TAS2R1: variants seen among roughly 807,000 people sequenced by gnomAD.
The protein encoded by TAS2R1 is taste receptor type 2 member 1.
For synonymous variants in TAS2R1, 141 were observed against 134.2 expected, an observed-to-expected ratio of 1.05 and a Z score of -0.35; for missense variants, 370 against 353.4, an observed-to-expected ratio of 1.05 and a Z score of -0.38.
At chr5:9,697,050 G>C (rs1481786351) in intron 1 of TAS2R1, among the ~76,000 whole-genome samples, 2 of 151,726 alleles carry the variant, frequency 1.3e-5, no homozygotes, top group Admixed American at 6.6e-5. Context: ...ATTCACAAAA[G>C]GCACTGCACA....
chr5:9,634,142 T>G (rs1273813570), upstream of TAS2R1, among the ~76,000 whole-genome samples: 1 of 152,130 alleles, frequency 6.6e-6, no homozygotes, highest in Admixed American at 6.5e-5. Context: ...AGGATCCAGT[T>G]TCATTCTTCT....
the TAS2R1 span, among the ~76,000 whole-genome samples, chr5:9,725,977 C>T: frequency 9.4e-3 from 1,419 of 150,900 alleles, 19 homozygotes; most frequent in African/African-American, 0.032. Context: ...CCAATCGGCA[C>T]TCTGTATCTA....
At chr5:9,814,439 G>C in the TAS2R1 span, among the ~76,000 whole-genome samples, 10 of 152,058 alleles carry the variant, frequency 6.6e-5, no homozygotes, top group African/African-American at 2.4e-4. Context: ...TTACTGTAGT[G>C]TTTTTATTCT....
chr5:9,871,477 G>A, the TAS2R1 span, among the ~76,000 whole-genome samples: 1 of 152,120 alleles, frequency 6.6e-6, no homozygotes, highest in Non-Finnish European at 1.5e-5. Context: ...CACTCTGTCT[G>A]ATCCAATTGT....
chr5:9,828,372 C>T, the TAS2R1 span, among the ~76,000 whole-genome samples: 3 of 152,098 alleles, frequency 2.0e-5, no homozygotes, highest in Non-Finnish European at 2.9e-5. Context: ...GTGATCTGCC[C>T]GCCTCAGGCT....
At chr5:9,814,094 A>C in the TAS2R1 span, among the ~76,000 whole-genome samples, 1 of 152,172 alleles carries the variant, frequency 6.6e-6, no homozygotes, top group Non-Finnish European at 1.5e-5. Flanking sequence ...CATTACAGGT[A>C]AAGTACTTTC....
At chr5:9,636,213 C>T (rs919752654) in intron 2 of TAS2R1, among the ~76,000 whole-genome samples, 2 of 151,970 alleles carry the variant, frequency 1.3e-5, no homozygotes, top group African/African-American at 4.8e-5. Context: ...TATTCAAGAG[C>T]AGATTATTTA....
intron 1 of TAS2R1, among the ~76,000 whole-genome samples, chr5:9,672,574 A>G (rs539320218): frequency 6.6e-6 from 1 of 152,338 alleles, no homozygotes; most frequent in African/African-American, 2.4e-5. Flanking sequence ...AATCAATACC[A>G]CAATGAGATA....
chr5:9,679,733 G>A (rs956815629), intron 1 of TAS2R1, among the ~76,000 whole-genome samples: 1 of 152,178 alleles, frequency 6.6e-6, no homozygotes, highest in African/African-American at 2.4e-5. Flanking sequence ...TAGAGTTAGA[G>A]ACATCAGTGT....
intron 2 of TAS2R1, among the ~76,000 whole-genome samples, chr5:9,637,830 T>C (rs1467616735): frequency 6.6e-6 from 1 of 152,224 alleles, no homozygotes; most frequent in East Asian, 1.9e-4. Context: ...ATCCATATCC[T>C]ACATTTTTAA....
At chr5:9,686,043 T>C (rs1409746198) in intron 1 of TAS2R1, among the ~76,000 whole-genome samples, 3 of 152,098 alleles carry the variant, frequency 2.0e-5, no homozygotes, top group African/African-American at 7.2e-5. Flanking sequence ...TTTTATATTT[T>C]TAGTAGAGAC....
At chr5:9,837,240 T>C in the TAS2R1 span, among the ~76,000 whole-genome samples, 1 of 152,070 alleles carries the variant, frequency 6.6e-6, no homozygotes, top group Non-Finnish European at 1.5e-5. Context: ...TCCCGAGGCA[T>C]GGAGAAGTGA....
chr5:9,633,474 T>A (rs112065280), upstream of TAS2R1, among the ~76,000 whole-genome samples: 1 of 151,324 alleles, frequency 6.6e-6, no homozygotes, highest in Non-Finnish European at 1.5e-5. Context: ...GGGAGTGGGA[T>A]TGCTGGATCA....
the TAS2R1 span, among the ~76,000 whole-genome samples, chr5:9,879,467 G>A: frequency 3.2e-4 from 48 of 152,192 alleles, no homozygotes; most frequent in Middle Eastern, 3.4e-3. Context: ...AGTTCTTCTC[G>A]TGGATCCCAG....
At chr5:9,751,557 CTTCT>C in the TAS2R1 span, among the ~76,000 whole-genome samples, 4 of 151,962 alleles carry the variant, frequency 2.6e-5, no homozygotes, top group African/African-American at 4.8e-5. Flanking sequence ...TAAATGATTC[CTTCT>C]GTTTTCTTTT....
chr5:9,672,312 G>A (rs112426573), intron 1 of TAS2R1, among the ~76,000 whole-genome samples: 10 of 151,944 alleles, frequency 6.6e-5, no homozygotes, highest in East Asian at 1.9e-4. Flanking sequence ...AAGAGCTTCC[G>A]CATACAAAAC....
At chr5:9,671,953 T>C (rs974169514) in intron 1 of TAS2R1, among the ~76,000 whole-genome samples, 9 of 151,822 alleles carry the variant, frequency 5.9e-5, no homozygotes, top group African/African-American at 1.7e-4. Flanking sequence ...AACAGGCACA[T>C]AGATCAATGG....
At chr5:9,715,360 A>T (rs901246095), upstream of TAS2R1, among the ~76,000 whole-genome samples, 6 of 152,194 alleles carry the variant, frequency 3.9e-5, no homozygotes, top group African/African-American at 1.4e-4. Context: ...ACAGTTTGAA[A>T]GCACCCACCC....
At chr5:9,858,308 T>C in the TAS2R1 span, among the ~76,000 whole-genome samples, 1 of 152,058 alleles carries the variant, frequency 6.6e-6, no homozygotes, top group Non-Finnish European at 1.5e-5. Flanking sequence ...GAGCCCAGTG[T>C]TGGGTTTTAC....
Sources: gnomAD v4.1 joint callset for allele counts (sites outside exome capture counted in the v4.1 genomes callset) on GRCh38, gnomAD v4.1.1 for gene constraint, MANE v1.5 for transcripts, NCBI Gene and HGNC (gene_info 2026-07-23, HGNC 2026-07-21) for gene names.